R3HCC1L: variants seen among roughly 807,000 people sequenced by gnomAD.
The protein encoded by R3HCC1L is R3H domain and coiled-coil containing 1 like, also known as coiled-coil domain-containing protein R3HCC1L.
R3HCC1L carries 51 observed loss-of-function variants against 59.9 expected under a neutral mutation model. The observed-to-expected ratio is 0.85, with a 90% CI of 0.68 to 1.07. The LOEUF is 1.07. R3HCC1L is among the 50% of genes least tolerant of loss of function. The pLI, the probability that R3HCC1L is intolerant of heterozygous loss-of-function variation, is 0.00. For missense variants in R3HCC1L, 965 were observed against 933.0 expected, an observed-to-expected ratio of 1.03 and a Z score of -0.45; for synonymous variants, 322 against 315.2, an observed-to-expected ratio of 1.02 and a Z score of -0.23.
intron 9 of R3HCC1L, among the ~76,000 whole-genome samples, chr10:98,243,113 A>G (rs777754322): frequency 1.3e-5 from 2 of 152,240 alleles, no homozygotes; most frequent in Non-Finnish European, 2.9e-5. Flanking sequence ...AGTACAGTCA[A>G]ATACAGTATA....
intron 2 of R3HCC1L, among the ~76,000 whole-genome samples, chr10:98,157,508 C>T (rs575195797): frequency 3.5e-4 from 53 of 152,324 alleles, no homozygotes; most frequent in African/African-American, 1.2e-3. Context: ...AGTGCCCTCC[C>T]GGCATTTCAC....
chr10:98,235,892 G>C, intron 8 of R3HCC1L, 132 bp from the exon 9 acceptor site: 1 of 1,052,580 alleles, frequency 9.5e-7, no homozygotes, highest in Non-Finnish European at 1.4e-6. Context: ...TCATCTATCA[G>C]ACTTGTATTA....
chr10:98,165,286 C>A (rs1300136670), intron 4 of R3HCC1L, among the ~76,000 whole-genome samples: 5 of 152,082 alleles, frequency 3.3e-5, no homozygotes, highest in African/African-American at 1.2e-4. Flanking sequence ...TAACAAAAAA[C>A]CCTGTAAGGT....
At chr10:98,194,358 CAG>C (rs1008031389) in intron 4 of R3HCC1L, among the ~76,000 whole-genome samples, 84 of 151,918 alleles carry the variant, frequency 5.5e-4, no homozygotes, top group Admixed American at 2.6e-3. Context: ...TAGAAAAAAA[CAG>C]GGGAAAAGCT....
chr10:98,220,587 T>C (rs1854797036), intron 5 of R3HCC1L, among the ~76,000 whole-genome samples: 1 of 129,162 alleles, frequency 7.7e-6, no homozygotes, highest in African/African-American at 2.9e-5. Flanking sequence ...GTCCATGTGA[T>C]CTCATTGTTC....
At chr10:98,176,758 G>T (rs1849064378) in intron 4 of R3HCC1L, among the ~76,000 whole-genome samples, 1 of 152,040 alleles carries the variant, frequency 6.6e-6, no homozygotes, top group Non-Finnish European at 1.5e-5. Flanking sequence ...AGTGACAAGT[G>T]TGGTCATCTT....
At chr10:98,208,049 G>T (rs1482026963) in intron 4 of R3HCC1L, 52 bp from the exon 5 acceptor site, 1 of 1,481,232 alleles carries the variant, frequency 6.8e-7, no homozygotes, top group Admixed American at 2.6e-5. Context: ...AAATATTTTG[G>T]TTCAATACAT....
chr10:98,169,834 A>C (rs1848338579), intron 4 of R3HCC1L, among the ~76,000 whole-genome samples: 1 of 152,186 alleles, frequency 6.6e-6, no homozygotes, highest in African/African-American at 2.4e-5. Context: ...GGAATATGTA[A>C]AACTAACAGC....
intron 5 of R3HCC1L, 25 bp from the exon 6 acceptor site, chr10:98,231,487 A>G: frequency 6.2e-7 from 1 of 1,600,390 alleles, no homozygotes; most frequent in Non-Finnish European, 8.5e-7. Context: ...TGTAACCGGC[A>G]CTTAACGTGC....
intron 5 of R3HCC1L, among the ~76,000 whole-genome samples, chr10:98,220,681 A>G (rs1854810274): frequency 6.7e-6 from 1 of 150,098 alleles, no homozygotes; most frequent in Non-Finnish European, 1.5e-5. Flanking sequence ...TTCCAATTTC[A>G]TCCATGTCCC....
intron 4 of R3HCC1L, among the ~76,000 whole-genome samples, chr10:98,203,671 C>A (rs1433326684): frequency 2.0e-5 from 3 of 152,044 alleles, no homozygotes; most frequent in Non-Finnish European, 2.9e-5. Context: ...AAATATGGGA[C>A]AAAAAGCGTT....
chr10:98,182,630 C>G (rs945068623), intron 4 of R3HCC1L, among the ~76,000 whole-genome samples: 2 of 152,164 alleles, frequency 1.3e-5, no homozygotes, highest in Non-Finnish European at 2.9e-5. Context: ...TTCAGCTATG[C>G]CCTGCCCCCA....
At chr10:98,168,688 GTATTA>G (rs1271140496) in intron 4 of R3HCC1L, among the ~76,000 whole-genome samples, 1 of 152,146 alleles carries the variant, frequency 6.6e-6, no homozygotes, top group Non-Finnish European at 1.5e-5. Context: ...TTAAAATACT[GTATTA>G]TATTCTGTTT....
chr10:98,239,047 G>T (rs1253373888), intron 9 of R3HCC1L, among the ~76,000 whole-genome samples: 1 of 152,170 alleles, frequency 6.6e-6, no homozygotes, highest in African/African-American at 2.4e-5. Context: ...GCGTGGCCAT[G>T]GGCAAGTCAG....
intron 4 of R3HCC1L, among the ~76,000 whole-genome samples, chr10:98,190,400 C>G (rs1368246828): frequency 6.6e-6 from 1 of 152,022 alleles, no homozygotes; most frequent in Non-Finnish European, 1.5e-5. Context: ...CATGTTTTCT[C>G]TTTTACCTTG....
chr10:98,185,421 C>T (rs1399653732), intron 4 of R3HCC1L, among the ~76,000 whole-genome samples: 1 of 152,082 alleles, frequency 6.6e-6, no homozygotes, highest in Non-Finnish European at 1.5e-5. Flanking sequence ...TGGAAGGAGG[C>T]ACCCAGTCTT....
At chr10:98,204,412 AAG>A (rs750099275) in intron 4 of R3HCC1L, among the ~76,000 whole-genome samples, 1 of 152,130 alleles carries the variant, frequency 6.6e-6, no homozygotes, top group African/African-American at 2.4e-5. Context: ...TCAAAAAAAA[AAG>A]AGAGAGAGAG....
chr10:98,235,342 A>C lies in R3HCC1L; in HGVS notation c.2033-83A>C. The C allele has an allele frequency of 3.5e-6, 4 of 1,157,758 alleles. No homozygotes were observed. In the Admixed American group the frequency reaches 6.3e-5, roughly 18 times the overall value. The allele number at this position is 1,157,758 out of a possible 1,614,324, so 71.7% of individuals were successfully genotyped here. On this transcript the variant is annotated intron_variant, in intron 7 of 9. Coordinates refer to ENST00000298999, the MANE Select transcript of R3HCC1L (RefSeq NM_001351015.2). ...GCTTTGAAAAAAAAGCATAACATCT[A>C]GGAAATACTAAGAGCTATCCCTAGT...
intron 8 of R3HCC1L, among the ~76,000 whole-genome samples, 198 bp downstream of exon 8, chr10:98,235,718 G>A (rs1331514207): frequency 1.3e-5 from 2 of 152,234 alleles, no homozygotes; most frequent in Non-Finnish European, 1.5e-5. Context: ...CTTGGAGTGT[G>A]TGAGAACTAA....
Sources: gnomAD v4.1 joint callset for allele counts (sites outside exome capture counted in the v4.1 genomes callset) on GRCh38, gnomAD v4.1.1 for gene constraint, MANE v1.5 for transcripts, NCBI Gene and HGNC (gene_info 2026-07-23, HGNC 2026-07-21) for gene names.